The following RELN variants were observed in gnomAD, a reference collection of about 807,000 sequenced individuals.
RELN encodes the protein reelin.
Under a neutral mutation model 427.6 loss-of-function variants are expected in RELN, and 108 were observed. That is an observed-to-expected ratio of 0.25 (90% confidence interval 0.22 to 0.30). The LOEUF is 0.30. RELN is among the 10% of genes least tolerant of loss of function. RELN has a pLI of 1.00. For synonymous variants in RELN, 1,524 were observed against 1,513.4 expected (o/e 1.01, Z -0.16); for missense variants, 3,715 against 4,302.8 (o/e 0.86, Z 3.82).
intron 48 of RELN, among the ~76,000 whole-genome samples, chr7:103,521,271 G>A (rs1021273343): frequency 1.3e-5 from 2 of 152,034 alleles, no homozygotes; most frequent in Non-Finnish European, 2.9e-5. Flanking sequence ...GAGCCACCGC[G>A]CCCGGCCAAA....
Position 103,503,025 on chromosome 7 carries a change from A to G in RELN, c.8480T>C (p.Leu2827Ser). 2 of 1,613,490 alleles carry G rather than the reference A, an allele frequency of 1.2e-6. No individual in the cohort carries two copies. The highest frequency in any genetic ancestry group is 1.7e-6 in the Non-Finnish European group (2 of 1,179,408). Residue 2827 changes from leucine to serine, a missense_variant, in exon 52 of 65, where the codon TTA becomes TCA. Physicochemically the swap from Leu to Ser is moderately radical, Grantham distance 145 (BLOSUM62 -2). This residue lies in a region of RELN where 1,310 missense variants were observed against 1,643.0 expected (regional missense o/e 0.80). Coordinates refer to ENST00000428762, the MANE Select transcript of RELN (RefSeq NM_005045.4). ...TTAGTTTTCTACTTACTTTCCCACT[A>G]AGCTTTCAGGAAGTGGGTAGGTGAT... is the stretch of plus-strand genomic sequence containing the variant. ...KRITYPLPES[L>S]VGNPVRFRFY...
intron 28 of RELN, among the ~76,000 whole-genome samples, chr7:103,587,548 C>T (rs1831305618): frequency 6.6e-6 from 1 of 152,096 alleles, no homozygotes; most frequent in Admixed American, 6.6e-5. Flanking sequence ...AACTAAAAAG[C>T]TTCTGCACAA....
At chr7:103,498,856 T>C (rs2528877) in intron 53 of RELN, among the ~76,000 whole-genome samples, 14,521 of 152,228 alleles carry the variant, frequency 0.095, 979 homozygotes, top group African/African-American at 0.19. Context: ...CCCCCAAACA[T>C]GTATATTTGT....
Position 103,884,361 on chromosome 7 carries a change from CAT to C in RELN, c.337+32712_337+32713del, listed in dbSNP as rs543183919. The stretch of plus-strand genomic sequence containing the variant: ...AAAACTTAGGCAATACCATTCAGGA[CAT>C]AGGTATGGGCAAAGACTTCGTGTCT... On this transcript the variant is annotated intron_variant, in intron 2 of 64. Transcript: ENST00000428762. Among the ~76,000 whole-genome samples the C allele has an allele frequency of 9.8e-5, 15 of 152,286 alleles. No homozygotes were observed. The South Asian group carries it at 2.5e-3, about 25-fold the overall frequency.
intron 40 of RELN, among the ~76,000 whole-genome samples, chr7:103,552,947 TTA>T (rs1205581778): frequency 2.0e-4 from 30 of 152,114 alleles, no homozygotes; most frequent in Non-Finnish European, 1.0e-4. Context: ...ATAAATATTT[TTA>T]TGTTAATTAT....
chr7:103,619,464 A>C (rs941728880), intron 20 of RELN, among the ~76,000 whole-genome samples: 3 of 152,202 alleles, frequency 2.0e-5, no homozygotes, highest in Non-Finnish European at 2.9e-5. Context: ...GAACTAGGCC[A>C]ATTTACCCAA....
intron 64 of RELN, chr7:103,476,741 A>G: frequency 2.4e-6 from 1 of 408,532 alleles, no homozygotes; most frequent in Non-Finnish European, 5.0e-6. Context: ...GTCTAACAGC[A>G]TTGGGAATTA....
At chr7:103,779,765 G>C (rs1433245952) in intron 3 of RELN, among the ~76,000 whole-genome samples, 1 of 152,098 alleles carries the variant, frequency 6.6e-6, no homozygotes, top group Non-Finnish European at 1.5e-5. Context: ...GTCTTGCTCT[G>C]TCGCCAAGCT....
chr7:103,607,957 A>G (rs1210440262), intron 22 of RELN, among the ~76,000 whole-genome samples: 1 of 152,224 alleles, frequency 6.6e-6, no homozygotes, highest in African/African-American at 2.4e-5. Context: ...TAATTTCTCT[A>G]CGCAGGTACA....
rs148625661 is a variant in RELN, at chr7:103,985,934, C to T, written c.226+3197G>A. Among the ~76,000 whole-genome samples, 1,168 of 152,250 alleles carry T rather than the reference C, an allele frequency of 7.7e-3. 14 individuals are homozygous for T. The highest frequency in any genetic ancestry group is 0.027 in the African/African-American group (1,112 of 41,546). Reference sequence around the variant, plus strand: ...ACTAAACCATGTAGGTTCTTGTTTCCTATTTCCCCATCATTTGCAACTTTC... The same window carrying T: ...ACTAAACCATGTAGGTTCTTGTTTCTTATTTCCCCATCATTTGCAACTTTC... On this transcript the variant is annotated intron_variant, in intron 1 of 64. Transcript: ENST00000428762.
chr7:103,520,205 C>A (rs993902543), intron 48 of RELN, among the ~76,000 whole-genome samples: 4 of 151,862 alleles, frequency 2.6e-5, no homozygotes, highest in African/African-American at 9.7e-5. Flanking sequence ...TAAACTATCT[C>A]CAGTTATTTT....
chr7:103,889,112 G>C (rs1164389845), intron 2 of RELN, among the ~76,000 whole-genome samples: 2 of 152,210 alleles, frequency 1.3e-5, no homozygotes, highest in East Asian at 3.8e-4. Context: ...AACTTATCAA[G>C]GGTGATTGTG....
intron 10 of RELN, among the ~76,000 whole-genome samples, chr7:103,690,977 C>T (rs1833860486): frequency 6.6e-6 from 1 of 152,076 alleles, no homozygotes; most frequent in African/African-American, 2.4e-5. Context: ...CAGATGGTGA[C>T]ATAAAGAATA....
intron 16 of RELN, among the ~76,000 whole-genome samples, chr7:103,644,496 G>C (rs933108235): frequency 2.7e-5 from 4 of 149,806 alleles, no homozygotes; most frequent in African/African-American, 4.9e-5. Flanking sequence ...ATAGTTGAAA[G>C]TTTTAACAAT....
chr7:103,859,080 G>A (rs1258410968), intron 2 of RELN, among the ~76,000 whole-genome samples: 1 of 152,140 alleles, frequency 6.6e-6, no homozygotes, highest in Non-Finnish European at 1.5e-5. Context: ...AACTGAAGTG[G>A]TAAAAATAAA....
At chr7:103,657,638 C>T (rs1344714694) in intron 12 of RELN, among the ~76,000 whole-genome samples, 1 of 152,050 alleles carries the variant, frequency 6.6e-6, no homozygotes, top group Non-Finnish European at 1.5e-5. Context: ...AGAGCCACAC[C>T]CAGCCCAGAA....
intron 1 of RELN, among the ~76,000 whole-genome samples, chr7:103,985,660 TA>T (rs1219150477): frequency 1.3e-5 from 2 of 152,050 alleles, no homozygotes; most frequent in Non-Finnish European, 2.9e-5. Context: ...ACAATTACAA[TA>T]AAAAATGTGG....
At position 103,836,727 on chromosome 7, in the gene RELN, CT is replaced by C. The variant is rs554693495; in HGVS notation, c.338-3056del. On this transcript the variant is annotated intron_variant, in intron 2 of 64. Coordinates refer to ENST00000428762, the MANE Select transcript of RELN (RefSeq NM_005045.4). ...ACATGAAGATTTGGCTCACTTTCTG[CT>C]TTTTCAAGCCTCTCCTGTCCACTTC... is the stretch of plus-strand genomic sequence containing the variant. Among the ~76,000 whole-genome samples, 266 of 152,302 alleles carry C rather than the reference CT, an allele frequency of 1.7e-3. 1 individual carries two copies. The highest frequency in any genetic ancestry group is 6.1e-3 in the African/African-American group (254 of 41,572).
intron 2 of RELN, among the ~76,000 whole-genome samples, chr7:103,841,746 C>G (rs1013203395): frequency 6.6e-5 from 10 of 152,150 alleles, no homozygotes; most frequent in African/African-American, 2.4e-4. Flanking sequence ...ATGTAGGCTA[C>G]TCGCTTCCAA....
Sources: gnomAD v4.1 joint callset for allele counts (sites outside exome capture counted in the v4.1 genomes callset) on GRCh38, gnomAD v4.1.1 for gene constraint, gnomAD v4.1.1 regional missense constraint, MANE v1.5 for transcripts, NCBI Gene and HGNC (gene_info 2026-07-23, HGNC 2026-07-21) for gene names.